CLSTN2: variants seen among roughly 807,000 people sequenced by gnomAD.
The protein encoded by CLSTN2 is calsyntenin-2.
A neutral mutation model predicts 101.2 loss-of-function variants in CLSTN2; 48 were observed. The observed-to-expected ratio is 0.47, with a 90% confidence interval of 0.38 to 0.60. The LOEUF (loss-of-function observed/expected upper bound fraction) is 0.60. Among genes scored for constraint, CLSTN2 ranks in the 20% least tolerant of loss-of-function variants. The pLI is 0.00. For missense variants in CLSTN2, 1,160 were observed against 1,238.2 expected, an observed-to-expected ratio of 0.94 and a Z score of 0.95; for synonymous variants, 481 against 463.6, an observed-to-expected ratio of 1.04 and a Z score of -0.48.
chr3:140,396,539 C>A (rs1266634591), intron 2 of CLSTN2, among the ~76,000 whole-genome samples: 1 of 152,154 alleles, frequency 6.6e-6, no homozygotes, highest in Non-Finnish European at 1.5e-5. Flanking sequence ...TAACCAATAA[C>A]CCTATGAGTT....
intron 6 of CLSTN2, among the ~76,000 whole-genome samples, chr3:140,458,169 A>AT (rs11434420): frequency 0.37 from 54,536 of 146,376 alleles, 10,482 homozygotes; most frequent in East Asian, 0.52. Context: ...ATGGTAGGAG[A>AT]TTTTTTTTTT....
chr3:140,153,189 G>T (rs973108985), intron 1 of CLSTN2, among the ~76,000 whole-genome samples: 4 of 152,228 alleles, frequency 2.6e-5, no homozygotes, highest in African/African-American at 9.6e-5. Flanking sequence ...CAGCTCCCTT[G>T]TGAGTTCTAT....
At chr3:140,002,956 G>T (rs979880527) in intron 1 of CLSTN2, among the ~76,000 whole-genome samples, 4 of 152,078 alleles carry the variant, frequency 2.6e-5, no homozygotes, top group Non-Finnish European at 5.9e-5. Context: ...TGCTGTTTTG[G>T]TTACTATAGC....
chr3:140,275,968 A>G (rs997511611), intron 2 of CLSTN2, among the ~76,000 whole-genome samples: 3 of 152,192 alleles, frequency 2.0e-5, no homozygotes, highest in Admixed American at 1.3e-4. Flanking sequence ...GAACACAGAT[A>G]CAAAAGCAGT....
intron 2 of CLSTN2, among the ~76,000 whole-genome samples, chr3:140,365,744 G>C (rs1361438634): frequency 1.3e-5 from 2 of 152,214 alleles, no homozygotes; most frequent in Non-Finnish European, 2.9e-5. Flanking sequence ...GCCTACACAT[G>C]TCAATCTGTA....
chr3:140,027,266 C>G (rs931493061), intron 1 of CLSTN2, among the ~76,000 whole-genome samples: 5 of 152,044 alleles, frequency 3.3e-5, no homozygotes, highest in African/African-American at 1.2e-4. Flanking sequence ...GGAAAGAGAA[C>G]CTTTGCAGAT....
At chr3:140,185,418 T>A (rs1172260518) in intron 2 of CLSTN2, among the ~76,000 whole-genome samples, 1 of 152,178 alleles carries the variant, frequency 6.6e-6, no homozygotes, top group African/African-American at 2.4e-5. Context: ...CTTAAAGACA[T>A]TCTGGGATAT....
chr3:140,087,423 T>C (rs1406058026), intron 1 of CLSTN2, among the ~76,000 whole-genome samples: 1 of 152,226 alleles, frequency 6.6e-6, no homozygotes, highest in Non-Finnish European at 1.5e-5. Flanking sequence ...GTAATACCTC[T>C]GCCCTGTTAT....
chr3:139,966,676 A>G (rs142683083), intron 1 of CLSTN2, among the ~76,000 whole-genome samples: 1 of 152,080 alleles, frequency 6.6e-6, no homozygotes, highest in Non-Finnish European at 1.5e-5. Context: ...TGACTTATTT[A>G]TTTTTGTGTC....
At chr3:140,283,057 A>T (rs916012941) in intron 2 of CLSTN2, among the ~76,000 whole-genome samples, 2 of 152,092 alleles carry the variant, frequency 1.3e-5, no homozygotes, top group African/African-American at 2.4e-5. Flanking sequence ...ACAATCCCTA[A>T]ATCATGTTGT....
chr3:140,258,644 C>A (rs2086623393), intron 2 of CLSTN2, among the ~76,000 whole-genome samples: 1 of 152,134 alleles, frequency 6.6e-6, no homozygotes, highest in Admixed American at 6.5e-5. Flanking sequence ...TCTATAACTT[C>A]CTTCTTATTA....
chr3:140,052,374 C>T (rs986666003), intron 1 of CLSTN2, among the ~76,000 whole-genome samples: 3 of 152,060 alleles, frequency 2.0e-5, no homozygotes, highest in Admixed American at 2.0e-4. Flanking sequence ...GCCAGGCTGG[C>T]CTCTAACTCC....
intron 6 of CLSTN2, 83 bp downstream of exon 6, chr3:140,448,787 C>A (rs1334982416): frequency 5.0e-6 from 6 of 1,201,462 alleles, no homozygotes; most frequent in Non-Finnish European, 7.2e-6. Flanking sequence ...TTGTCTTAGG[C>A]AAGAATCAAC....
intron 2 of CLSTN2, among the ~76,000 whole-genome samples, chr3:140,224,977 C>T (rs1024311730): frequency 4.6e-5 from 7 of 152,242 alleles, no homozygotes; most frequent in Non-Finnish European, 8.8e-5. Flanking sequence ...TAGAAAAGGG[C>T]TTTCCCTGCT....
intron 7 of CLSTN2, among the ~76,000 whole-genome samples, chr3:140,463,356 A>T (rs1025277710): frequency 6.6e-5 from 10 of 152,024 alleles, no homozygotes; most frequent in African/African-American, 2.4e-4. Context: ...AACCTTGTTC[A>T]GCAATCACCA....
At chr3:140,233,083 C>T (rs1198285874) in intron 2 of CLSTN2, among the ~76,000 whole-genome samples, 2 of 152,150 alleles carry the variant, frequency 1.3e-5, no homozygotes, top group Admixed American at 1.3e-4. Context: ...AAGAATTGGG[C>T]CCCACTACTT....
At chr3:140,331,236 AAGAG>A (rs764492912) in intron 2 of CLSTN2, among the ~76,000 whole-genome samples, 3 of 152,150 alleles carry the variant, frequency 2.0e-5, no homozygotes, top group Non-Finnish European at 2.9e-5. Context: ...CTGGCACGGG[AAGAG>A]AGAGAAAGAG....
At chr3:140,380,379 G>T (rs1040089292) in intron 2 of CLSTN2, among the ~76,000 whole-genome samples, 3 of 152,200 alleles carry the variant, frequency 2.0e-5, no homozygotes. Context: ...GTCCAGCCAG[G>T]TATAAATTGG....
chr3:140,200,431 G>A (rs2010703269), intron 2 of CLSTN2, among the ~76,000 whole-genome samples: 1 of 152,102 alleles, frequency 6.6e-6, no homozygotes, highest in African/African-American at 2.4e-5. Flanking sequence ...AACAGAGTCA[G>A]TATGCCTGTC....
Sources: gnomAD v4.1 joint callset for allele counts (sites outside exome capture counted in the v4.1 genomes callset) on GRCh38, gnomAD v4.1.1 for gene constraint, MANE v1.5 for transcripts, NCBI Gene and HGNC (gene_info 2026-07-23, HGNC 2026-07-21) for gene names.